The following CHD8 variants were observed in gnomAD, a reference collection of about 807,000 sequenced individuals.
CHD8 encodes the protein chromodomain helicase DNA binding protein 8, also known as ATP-dependent chromatin remodeler CHD8.
A neutral mutation model predicts 279.2 loss-of-function variants in CHD8; 31 were observed. The ratio of observed to expected loss-of-function variants is 0.11; its 90% CI spans 0.08 to 0.15. CHD8 has a LOEUF of 0.15. CHD8 is among the 10% of genes least tolerant of loss of function. CHD8 has a pLI of 1.00. For synonymous variants in CHD8, 1,081 were observed against 1,139.6 expected (o/e 0.95, Z 1.04); for missense variants, 2,146 against 3,230.5 (o/e 0.66, Z 8.14).
Position 21,402,578 on chromosome 14 carries a change from A to G in CHD8, c.3715-75T>C. The G allele has an allele frequency of 7.3e-7, 1 of 1,370,214 alleles. No homozygotes were observed. The highest frequency in any genetic ancestry group is 9.8e-7 in the Non-Finnish European group (1 of 1,018,936). 84.9% of individuals were successfully genotyped at this position (1,370,214 alleles called of 1,614,324 possible). A position where few individuals can be genotyped will look rare whatever the true frequency, so the allele number is the denominator to read the frequency against. ...GCAAGGGAAAGGATACAAAATACCA[A>G]TTTATGATTCTTTCACCTCTATAGA... On this transcript the variant is annotated intron_variant, in intron 18 of 37. Transcript: ENST00000646647. This position sits in a 1 kb window ranked among gnomAD's most constrained non-coding sequence, Gnocchi z 4.5.
chr14:21,388,350 A>G (rs1887372430), intron 37 of CHD8, among the ~76,000 whole-genome samples: 1 of 152,264 alleles, frequency 6.6e-6, no homozygotes, highest in Non-Finnish European at 1.5e-5. Flanking sequence ...ACAAGAGAAA[A>G]TACTACAGAT....
chr14:21,419,955 A>G (rs768738090), intron 5 of CHD8: 2 of 205,710 alleles, frequency 9.7e-6, no homozygotes, highest in Non-Finnish European at 2.1e-5. Context: ...TGAGATGGAC[A>G]TTTAAAGGAC....
intron 1 of CHD8, chr14:21,455,006 A>G (rs1395543831): frequency 2.0e-5 from 3 of 152,260 alleles, no homozygotes; most frequent in Admixed American, 1.3e-4. Flanking sequence ...ACCTAGGCTG[A>G]GAATCCTTGA....
chr14:21,445,772 C>T (rs746090832), intron 1 of CHD8, among the ~76,000 whole-genome samples: 2 of 146,462 alleles, frequency 1.4e-5, no homozygotes, highest in Non-Finnish European at 3.0e-5. Context: ...GAAGCCAATG[C>T]GGGTGGATCA....
At chr14:21,426,037 T>C in intron 5 of CHD8, 91 bp downstream of exon 5, 2 of 776,168 alleles carry the variant, frequency 2.6e-6, no homozygotes, top group East Asian at 2.7e-5. Flanking sequence ...AAGAAATGTG[T>C]ATAGACTTAC....
intron 21 of CHD8, among the ~76,000 whole-genome samples, 161 bp downstream of exon 21, chr14:21,401,241 TA>T (rs1888021378): frequency 6.6e-6 from 1 of 152,082 alleles, no homozygotes; most frequent in Admixed American, 6.5e-5. Context: ...AGAAAGCAAC[TA>T]CTTTTCTGGG....
At chr14:21,410,602 T>C (rs1033129916) in intron 10 of CHD8, among the ~76,000 whole-genome samples, 9 of 152,230 alleles carry the variant, frequency 5.9e-5, no homozygotes, top group African/African-American at 2.2e-4. Context: ...ATGTAGGTAT[T>C]CCACTGAAAG....
intron 26 of CHD8, 136 bp from the exon 27 acceptor site, chr14:21,398,088 C>T (rs1364273546): frequency 2.5e-6 from 2 of 798,448 alleles, no homozygotes; most frequent in South Asian, 2.1e-5. Context: ...TTATCTTGGA[C>T]AACTACTGGG....
At position 21,386,055 on chromosome 14, in the gene CHD8, C is replaced by T. The variant is rs758415263; in HGVS notation, c.7304G>A (p.Gly2435Asp). ...DLSKMMALMQ[G>D]GSTGSLSLHN... ...CAGAGATAGAGACCCAGTGCTTCCA[C>T]CCTGCATGAGGGCCATCATCTTAGA... Residue 2435 changes from glycine to aspartate, a missense_variant, in exon 38 of 38, where the codon GGT becomes GAT. By Grantham distance (94) the Gly-to-Asp change is moderately conservative (BLOSUM62 -1). Around this residue, in one of 26 missense-constraint regions of CHD8, gnomAD observed 336 missense variants for 392.9 expected, o/e 0.86. Coordinates refer to ENST00000646647, the MANE Select transcript of CHD8 (RefSeq NM_001170629.2). 8.2e-6 allele frequency: 13 copies of T among 1,591,364 alleles called. No individual in the cohort carries two copies. Among genetic ancestry groups the T allele is most frequent in the Non-Finnish European group, 9.4e-6 (11 of 1,168,594 alleles).
rs779094937 is a variant in CHD8 at position 21,385,836 on chromosome 14, T to C, written c.7523A>G (p.His2508Arg). ...HPHPHHHHHH[H>R]PGLRAPGYPS... ...GTAGCCAGGGGCTCTCAAGCCTGGA[T>C]GGTGATGGTGGTGATGGTGGGGGTG... The change falls in exon 38 of 38, where the codon CAT becomes CGT. Residue 2508 changes from histidine (H) to arginine (R), a missense_variant. His to Arg is a conservative substitution (Grantham distance 29). This residue lies in a region of CHD8 where 336 missense variants were observed against 392.9 expected (regional missense o/e 0.86). Transcript: ENST00000646647. 3.9e-6 allele frequency: 5 copies of C among 1,270,908 alleles called. No homozygotes were observed. The highest frequency in any genetic ancestry group is 4.1e-6 in the Non-Finnish European group (4 of 976,412). The allele number at this position is 1,270,908 out of a possible 1,614,324, so 78.7% of individuals were successfully genotyped here.
intron 1 of CHD8, chr14:21,437,160 G>T: frequency 9.3e-7 from 1 of 1,074,518 alleles, no homozygotes; most frequent in Non-Finnish European, 1.2e-6. Flanking sequence ...AACGAGCTGT[G>T]CCTCACCCCA....
intron 1 of CHD8, among the ~76,000 whole-genome samples, chr14:21,445,402 C>T (rs1040569559): frequency 1.3e-5 from 2 of 149,684 alleles, no homozygotes; most frequent in Non-Finnish European, 1.5e-5. Context: ...AAACCCTGGC[C>T]GGGCGTGGTG....
At chr14:21,444,705 A>C (rs76397780) in intron 1 of CHD8, among the ~76,000 whole-genome samples, 1 of 149,000 alleles carries the variant, frequency 6.7e-6, no homozygotes, top group Non-Finnish European at 1.5e-5. Flanking sequence ...CCACTTTTTT[A>C]AAAAAAAAAA....
intron 3 of CHD8, 107 bp downstream of exon 3, chr14:21,428,857 T>C: frequency 1.0e-6 from 1 of 983,900 alleles, no homozygotes; most frequent in South Asian, 1.7e-5. Flanking sequence ...TTCAGAGATA[T>C]AAATCTAGAA....
chr14:21,426,480 C>A, intron 4 of CHD8: 1 of 433,124 alleles, frequency 2.3e-6, no homozygotes, highest in South Asian at 3.9e-5. Context: ...ACTGTGTTCA[C>A]AAATACCTGA....
chr14:21,436,918 G>T (rs776219665), intron 1 of CHD8: 9 of 1,287,020 alleles, frequency 7.0e-6, no homozygotes, highest in Middle Eastern at 2.1e-4. Context: ...TACTGCCGGG[G>T]TTGGTGCCAG....
chr14:21,431,927 C>A lies in CHD8; in HGVS notation c.-215-69G>T, dbSNP rs952103032. The A allele has an allele frequency of 3.1e-6, 3 of 966,128 alleles. No homozygotes were observed. The African/African-American group carries it at 4.8e-5, about 15-fold the overall frequency. 59.8% of individuals were successfully genotyped at this position (966,128 alleles called of 1,614,324 possible). A position where few individuals can be genotyped will look rare whatever the true frequency, so the allele number is the denominator to read the frequency against. ...GCGATCTCAGAGAAAATTTTCCCTTCTTACGTACTGTTCTTAATATCAAAT... is the reference window on the plus strand; with the variant it reads ...GCGATCTCAGAGAAAATTTTCCCTTATTACGTACTGTTCTTAATATCAAAT... On this transcript the variant is annotated intron_variant, in intron 1 of 37. Coordinates refer to ENST00000646647, the MANE Select transcript of CHD8 (RefSeq NM_001170629.2).
chr14:21,441,664 A>G lies in CHD8; in HGVS notation c.-215-9806T>C, dbSNP rs569923028. Among the ~76,000 whole-genome samples the G allele has an allele frequency of 5.6e-3, 849 of 151,960 alleles. 2 individuals are homozygous for G. The highest frequency in any genetic ancestry group is 7.1e-3 in the Non-Finnish European group (485 of 67,932). On this transcript the variant is annotated intron_variant, in intron 1 of 37. Coordinates refer to ENST00000646647, the MANE Select transcript of CHD8 (RefSeq NM_001170629.2). The stretch of plus-strand genomic sequence containing the variant: ...AGCACTTTGGGAGGCCAAGGCGGGC[A>G]TATCACGAGGTCAGGAGATGGAGAC...
intron 1 of CHD8, chr14:21,437,243 A>G: frequency 8.5e-7 from 1 of 1,174,262 alleles, no homozygotes; most frequent in Non-Finnish European, 1.1e-6. Context: ...TCTCTCCAGC[A>G]CCAGTTCCCC....
Sources: allele counts gnomAD v4.1 joint callset (sites outside exome capture counted in the v4.1 genomes callset), GRCh38; gene constraint gnomAD v4.1.1; regional missense constraint gnomAD v4.1.1; non-coding constraint Gnocchi (gnomAD v3.1); transcripts MANE v1.5; gene names NCBI Gene and HGNC (gene_info 2026-07-23, HGNC 2026-07-21).